FAM186A: variants seen among roughly 807,000 people sequenced by gnomAD.
FAM186A encodes family with sequence similarity 186 member A.
FAM186A carries 163 observed loss-of-function variants against 216.8 expected under a neutral mutation model. That is an observed-to-expected ratio of 0.75 (90% confidence interval 0.66 to 0.86). The LOEUF (loss-of-function observed/expected upper bound fraction) is 0.86, where lower values mean the gene tolerates loss of function less well. Ranked by LOEUF, FAM186A falls within the 40% of genes least tolerant of loss-of-function variation. FAM186A has a pLI of 0.00. For missense variants in FAM186A, 2,184 were observed against 2,746.2 expected (o/e 0.80, Z 4.58); for synonymous variants, 805 against 1,025.3 (o/e 0.79, Z 4.10).
chr12:50,376,987 G>T (rs1346949030), intron 1 of FAM186A, among the ~76,000 whole-genome samples: 1 of 151,956 alleles, frequency 6.6e-6, no homozygotes, highest in Non-Finnish European at 1.5e-5. Context: ...GGGCTCAAAT[G>T]GTCCTCCCAC....
intron 1 of FAM186A, chr12:50,365,724 A>G (rs543074546): frequency 1.5e-5 from 11 of 752,348 alleles, no homozygotes; most frequent in South Asian, 1.4e-4. Context: ...ACCTTCCCAC[A>G]TTCGCAGGAA....
chr12:50,380,686 ACTGT>A (rs1170666257), intron 1 of FAM186A, among the ~76,000 whole-genome samples: 6 of 150,900 alleles, frequency 4.0e-5, no homozygotes, highest in Middle Eastern at 3.4e-3. Flanking sequence ...ACAGAGTGAG[ACTGT>A]CTAAAAAAAA....
intron 4 of FAM186A, among the ~76,000 whole-genome samples, chr12:50,346,740 G>A (rs961008937): frequency 2.0e-5 from 3 of 151,958 alleles, no homozygotes; most frequent in Non-Finnish European, 2.9e-5. Context: ...CCAGCTACTC[G>A]GGAGGCTGAG....
At chr12:50,343,003 A>T (rs1196274436) in intron 4 of FAM186A, among the ~76,000 whole-genome samples, 1 of 150,940 alleles carries the variant, frequency 6.6e-6, no homozygotes, top group Non-Finnish European at 1.5e-5. Flanking sequence ...TAATCCCAGC[A>T]CTTTGGGATG....
At position 50,353,606 on chromosome 12, in the gene FAM186A, T is replaced by A; in HGVS notation, c.3226A>T (p.Thr1076Ser). Reference sequence around the variant, plus strand: ...CCCACTTCCTGGGCCTGCTGAGGTGTGAGATGAATGCATTTAGTGAGAGGC... The same window carrying A: ...CCCACTTCCTGGGCCTGCTGAGGTGAGAGATGAATGCATTTAGTGAGAGGC... Reference protein sequence around the residue: ...GQPLTKCIHLTPQQAQEVGIT... With the variant: ...GQPLTKCIHLSPQQAQEVGIT... Residue 1076 changes from threonine (T) to serine (S), a missense_variant, in exon 4 of 8, where the codon ACA becomes TCA. By Grantham distance (58) the Thr-to-Ser change is moderately conservative. Coordinates refer to ENST00000327337, the MANE Select transcript of FAM186A (RefSeq NM_001145475.3). 1 of 1,529,004 alleles carries A rather than the reference T, an allele frequency of 6.5e-7. No homozygotes were observed. Among genetic ancestry groups the A allele is most frequent in the Non-Finnish European group, 8.8e-7 (1 of 1,137,634 alleles). 94.7% of individuals were successfully genotyped at this position (1,529,004 alleles called of 1,614,324 possible). A position where few individuals can be genotyped will look rare whatever the true frequency, so the allele number is the denominator to read the frequency against.
rs1942972275 is a variant in FAM186A, at chr12:50,355,970, TG to T, written c.861del (p.Thr288LeufsTer16). ...DELKCVNFQS[S>X]TVYAHETSEA... ...TCACTTGTCTCATGTGCATACACAG[TG>T]GAACTTTGGAAGTTAACACATTTTA... On this transcript the variant is annotated frameshift_variant, in exon 4 of 8. Transcript: ENST00000327337. LOFTEE classifies it high-confidence loss of function. 3 of 1,551,512 alleles carry T rather than the reference TG, an allele frequency of 1.9e-6. No individual in the cohort carries two copies. Among genetic ancestry groups the T allele is most frequent in the African/African-American group, 1.4e-5 (1 of 73,054 alleles).
chr12:50,361,772 T>C (rs916206365), intron 2 of FAM186A, among the ~76,000 whole-genome samples: 9 of 151,240 alleles, frequency 6.0e-5, no homozygotes, highest in Non-Finnish European at 1.2e-4. Flanking sequence ...AGTTTCACCA[T>C]GTTGGCCAGG....
chr12:50,396,142 G>T (rs900576167), intron 1 of FAM186A, 151 bp downstream of exon 1: 2 of 595,400 alleles, frequency 3.4e-6, no homozygotes, highest in East Asian at 3.0e-5. Flanking sequence ...ATCCACAGTC[G>T]GTGTCAGGTG....
At position 50,354,838 on chromosome 12, in the gene FAM186A, T is replaced by A. The variant is rs768834572; in HGVS notation, c.1994A>T (p.Glu665Val). ...RVLESPDGKS[E>V]QSNLEEFQEA... ...CTGAAATTCTTCGAGGTTACTCTGT[T>A]CACTTTTGCCATCTGGACTTTCTAG... is the stretch of plus-strand genomic sequence containing the variant. Residue 665 changes from glutamate (E) to valine (V), a missense_variant, in exon 4 of 8, where the codon GAA (glutamate) becomes GTA (valine). Transcript: ENST00000327337. 1.9e-6 allele frequency: 3 copies of A among 1,544,798 alleles called. No homozygotes were observed. The highest frequency in any genetic ancestry group is 2.6e-6 in the Non-Finnish European group (3 of 1,145,562).
Position 50,350,480 on chromosome 12 carries a change from G to T in FAM186A, c.6352C>A (p.Leu2118Ile), listed in dbSNP as rs1032951429. ...CAAGTTTTTATAGCCTGATTTAATA[G>T]TATCAGGTTCTTCTTCTGAGCCTCC... ...DVEAQKKNLI[L>I]LNQAIKTCGL... is the part of the protein sequence containing the mutation. Residue 2118 changes from leucine to isoleucine, a missense_variant, in exon 4 of 8, where the codon CTA becomes ATA. Physicochemically the swap from Leu to Ile is conservative, Grantham distance 5 (BLOSUM62 2). This residue lies in a region of FAM186A where 721 missense variants were observed against 816.4 expected (regional missense o/e 0.88). Coordinates refer to ENST00000327337, the MANE Select transcript of FAM186A (RefSeq NM_001145475.3). The T allele has an allele frequency of 1.2e-5, 18 of 1,551,504 alleles. No individual in the cohort carries two copies. In the African/African-American group the frequency reaches 2.3e-4, roughly 20 times the overall value.
At position 50,396,527 on chromosome 12, in the gene FAM186A, A is replaced by T. The variant is rs1233344475; in HGVS notation, c.-43T>A. 4 of 1,506,784 alleles carry T rather than the reference A, an allele frequency of 2.7e-6. No homozygotes were observed. Among genetic ancestry groups the T allele is most frequent in the Non-Finnish European group, 2.7e-6 (3 of 1,122,544 alleles). The allele number at this position is 1,506,784 out of a possible 1,614,324, so 93.3% of individuals were successfully genotyped here. ...TTTCGTTTTATTTCTTCTTTTTCAC[A>T]GAATCTACAAAAATGCTAATAAAGA... On this transcript the variant is annotated 5_prime_UTR_variant, in exon 1 of 8. Transcript: ENST00000327337.
At chr12:50,362,394 G>C (rs1369584425) in intron 2 of FAM186A, among the ~76,000 whole-genome samples, 2 of 152,120 alleles carry the variant, frequency 1.3e-5, no homozygotes, top group African/African-American at 4.8e-5. Context: ...CTGGTGAAAG[G>C]AGAGAGAGAA....
rs186690814 is a variant in FAM186A, at chr12:50,336,048, C to A, written c.6504-1945G>T. Among the ~76,000 whole-genome samples the A allele has an allele frequency of 4.0e-3, 606 of 150,952 alleles. 5 individuals are homozygous for A. The highest frequency in any genetic ancestry group is 0.014 in the African/African-American group (569 of 41,112). ...GCTGAGGCAGGAGAATCACTTGAAC[C>A]TGGGAGGTGGAGGTTGCAGTGAGCC... On this transcript the variant is annotated intron_variant, in intron 4 of 7. Transcript: ENST00000327337.
Position 50,351,180 on chromosome 12 carries a change from C to A in FAM186A, c.5652G>T (p.Gln1884His). ...LESGPLTFSE[Q>H]LQEFQPPATA... ...TGGCAGGAGGCTGGAATTCCTGGAG[C>A]TGCTCAGAGAAGGTTAAGGGTCCAG... The change falls in exon 4 of 8, where the codon CAG becomes CAT. Residue 1884 changes from glutamine to histidine, a missense_variant. Around this residue, in one of 7 missense-constraint regions of FAM186A, gnomAD observed 721 missense variants for 816.4 expected, o/e 0.88. Transcript: ENST00000327337. 1 of 1,551,524 alleles carries A rather than the reference C, an allele frequency of 6.4e-7. No individual in the cohort carries two copies. Among genetic ancestry groups the A allele is most frequent in the Non-Finnish European group, 8.7e-7 (1 of 1,146,966 alleles).
At chr12:50,383,076 C>A (rs560131394) in intron 1 of FAM186A, among the ~76,000 whole-genome samples, 2 of 150,212 alleles carry the variant, frequency 1.3e-5, no homozygotes, top group South Asian at 4.2e-4. Flanking sequence ...AGAACAACAA[C>A]AACAACAACA....
Position 50,355,677 on chromosome 12 carries a change from A to G in FAM186A, c.1155T>C (p.Ile385=), listed in dbSNP as rs1313347885. ...TCTCTTTTCTTTGGACTTCATCTAC[A>G]ATATTTTCAAGTTCCTTGTCTAAAA... ...DNILDKELEN[I]VDEVQRKETK... Residue 385 remains isoleucine (I), a synonymous_variant, in exon 4 of 8, where the codon ATT becomes ATC. Coordinates refer to ENST00000327337, the MANE Select transcript of FAM186A (RefSeq NM_001145475.3). 3 of 1,550,766 alleles carry G rather than the reference A, an allele frequency of 1.9e-6. No homozygotes were observed. The highest frequency in any genetic ancestry group is 2.6e-6 in the Non-Finnish European group (3 of 1,146,828).
At chr12:50,379,432 T>G (rs1348212794) in intron 1 of FAM186A, among the ~76,000 whole-genome samples, 6 of 70,742 alleles carry the variant, frequency 8.5e-5, no homozygotes, top group Non-Finnish European at 2.7e-5. Context: ...AGAGCGAGAC[T>G]CCCTCTCAAA....
chr12:50,356,340 T>A, intron 3 of FAM186A, 92 bp from the exon 4 acceptor site: 2 of 905,272 alleles, frequency 2.2e-6, no homozygotes, highest in Non-Finnish European at 3.1e-6. Flanking sequence ...TAGCCTAGAT[T>A]AACTATAACT....
chr12:50,384,459 T>C (rs866783665), intron 1 of FAM186A, among the ~76,000 whole-genome samples: 16 of 152,136 alleles, frequency 1.1e-4, no homozygotes, highest in African/African-American at 3.1e-4. Context: ...AAAACATGTA[T>C]GGAGCCACAA....
Sources: gnomAD v4.1 joint callset for allele counts (sites outside exome capture counted in the v4.1 genomes callset) on GRCh38, gnomAD v4.1.1 for gene constraint, gnomAD v4.1.1 regional missense constraint, MANE v1.5 for transcripts, NCBI Gene and HGNC (gene_info 2026-07-23, HGNC 2026-07-21) for gene names.